Variants in LRP4 observed in about 807,000 individuals in gnomAD.
LRP4 encodes the protein low-density lipoprotein receptor-related protein 4.
Under a neutral mutation model 220.3 loss-of-function variants are expected in LRP4, and 95 were observed. That is an observed-to-expected ratio of 0.43 (90% CI 0.37 to 0.51). LRP4 has a LOEUF of 0.51. Among genes scored for constraint, LRP4 ranks in the 20% least tolerant of loss-of-function variants. The pLI, the probability that LRP4 is intolerant of heterozygous loss-of-function variation, is 0.00. For missense variants in LRP4, 1,925 were observed against 2,567.0 expected, an observed-to-expected ratio of 0.75 and a Z score of 5.40; for synonymous variants, 903 against 954.6, an observed-to-expected ratio of 0.95 and a Z score of 1.00.
intron 7 of LRP4, among the ~76,000 whole-genome samples, chr11:46,898,348 G>T (rs553002907): frequency 2.6e-5 from 4 of 152,286 alleles, no homozygotes; most frequent in Admixed American, 1.3e-4. Flanking sequence ...ACCACACCCA[G>T]CTAAGTTTTG....
At chr11:46,895,611 G>A (rs1941510866) in intron 10 of LRP4, among the ~76,000 whole-genome samples, 1 of 152,122 alleles carries the variant, frequency 6.6e-6, no homozygotes, top group African/African-American at 2.4e-5. Context: ...TAAAAAAGAA[G>A]AAATGGTTAA....
intron 1 of LRP4, among the ~76,000 whole-genome samples, chr11:46,905,609 G>A (rs2134875328): frequency 6.6e-6 from 1 of 152,240 alleles, no homozygotes. Context: ...CCAGCACTTT[G>A]GGAGGCCCAG....
chr11:46,892,797 T>C (rs1282190401), intron 13 of LRP4, among the ~76,000 whole-genome samples, 176 bp downstream of exon 13: 2 of 152,212 alleles, frequency 1.3e-5, no homozygotes, highest in African/African-American at 4.8e-5. Flanking sequence ...CTCGAATTAC[T>C]GACCTCAGGT....
At chr11:46,883,341 T>C (rs1238602856) in intron 19 of LRP4, among the ~76,000 whole-genome samples, 2 of 152,136 alleles carry the variant, frequency 1.3e-5, no homozygotes, top group Admixed American at 1.3e-4. Flanking sequence ...AGGTTGTGGG[T>C]TTACCCGAAT....
At chr11:46,885,953 G>C in intron 18 of LRP4, 138 bp downstream of exon 18, 1 of 778,172 alleles carries the variant, frequency 1.3e-6, no homozygotes, top group Non-Finnish European at 2.3e-6. Flanking sequence ...GCAGCCCTCC[G>C]GCTTCTGACC....
chr11:46,905,654 C>T (rs1394355193), intron 1 of LRP4, among the ~76,000 whole-genome samples: 2 of 152,048 alleles, frequency 1.3e-5, no homozygotes, highest in Non-Finnish European at 1.5e-5. Flanking sequence ...AGTTCAAGAC[C>T]AGCATGGCCA....
chr11:46,898,603 C>A lies in LRP4; in HGVS notation c.751G>T (p.Asp251Tyr). The A allele has an allele frequency of 6.2e-7, 1 of 1,614,184 alleles. No homozygotes were observed. The change falls in exon 7 of 38, where the codon GAT becomes TAT. Residue 251 changes from aspartate to tyrosine, a missense_variant. Around this residue, in one of 3 missense-constraint regions of LRP4, gnomAD observed 412 missense variants for 505.4 expected, o/e 0.82. Coordinates refer to ENST00000378623, the MANE Select transcript of LRP4 (RefSeq NM_002334.4). ...GLCINAGWRC[D>Y]GDADCDDQSD... is the part of the protein sequence containing the mutation. ...TGGTCATCACAGTCCGCGTCACCAT[C>A]GCAGCGCCAGCCTGCATTGATGCAC... is the stretch of plus-strand genomic sequence containing the variant.
intron 1 of LRP4, among the ~76,000 whole-genome samples, chr11:46,903,493 C>A (rs555830565): frequency 4.7e-5 from 7 of 149,994 alleles, no homozygotes; most frequent in Non-Finnish European, 8.9e-5. Context: ...GACCTTGTCT[C>A]AAAAAAGAAA....
At chr11:46,898,476 G>C (rs747391707) in intron 7 of LRP4, 82 bp downstream of exon 7, 11 of 1,593,446 alleles carry the variant, frequency 6.9e-6, no homozygotes, top group Non-Finnish European at 9.4e-6. Flanking sequence ...ATGAGCCACC[G>C]CGCCCAGCCG....
intron 34 of LRP4, among the ~76,000 whole-genome samples, chr11:46,867,525 G>C (rs1371038116): frequency 6.6e-6 from 1 of 152,162 alleles, no homozygotes; most frequent in African/African-American, 2.4e-5. Context: ...GTAATGGCGC[G>C]ATCTCGGCTC....
Position 46,879,140 on chromosome 11 carries a change from C to T in LRP4, c.2990G>A (p.Arg997His), listed in dbSNP as rs776547887. 14 of 1,614,206 alleles carry T rather than the reference C, an allele frequency of 8.7e-6. No individual in the cohort carries two copies. Among genetic ancestry groups the T allele is most frequent in the East Asian group, 6.7e-5 (3 of 44,888 alleles). ...ENLMDIHVFHRRRPPVSTPCA... is the reference protein window; with the variant it reads ...ENLMDIHVFHHRRPPVSTPCA... The stretch of plus-strand genomic sequence containing the variant: ...GGGCTGCTCACCTGGGGGCCGGCGG[C>T]GGTGGAAGACATGGATGTCCATTAG... The change falls in exon 21 of 38, where the codon CGC (arginine) becomes CAC (histidine). Residue 997 changes from arginine (R) to histidine (H), a missense_variant. By Grantham distance (29) the Arg-to-His change is conservative. Transcript: ENST00000378623.
intron 31 of LRP4, among the ~76,000 whole-genome samples, chr11:46,871,070 C>G (rs1460218888): frequency 1.3e-5 from 2 of 152,196 alleles, no homozygotes; most frequent in Non-Finnish European, 2.9e-5. Flanking sequence ...TACAAACTGG[C>G]TAGATGCCTC....
At chr11:46,863,598 A>G (rs180675461) in intron 36 of LRP4, among the ~76,000 whole-genome samples, 2 of 149,468 alleles carry the variant, frequency 1.3e-5, no homozygotes, top group Non-Finnish European at 3.0e-5. Flanking sequence ...AAAAAAAAAA[A>G]AAAAAAAAAA....
chr11:46,900,556 C>T (rs910450229), intron 2 of LRP4, among the ~76,000 whole-genome samples, 178 bp from the exon 3 acceptor site: 1 of 152,194 alleles, frequency 6.6e-6, no homozygotes, highest in African/African-American at 2.4e-5. Flanking sequence ...ACTGCAACCT[C>T]TGCCTCCTGG....
intron 31 of LRP4, among the ~76,000 whole-genome samples, chr11:46,870,146 G>A (rs1042492653): frequency 4.6e-5 from 7 of 151,724 alleles, no homozygotes; most frequent in East Asian, 1.9e-4. Flanking sequence ...GCACATGCCT[G>A]TAATCCCACC....
Position 46,859,143 on chromosome 11 carries a change from C to T in LRP4, c.5558G>A (p.Ser1853Asn), listed in dbSNP as rs139535571. ...CTCTGTGTCATCCAGGGAGCCAGAGCTGGCCTGGATGGACACCGTGTCTGT... is the reference window on the plus strand; with the variant it reads ...CTCTGTGTCATCCAGGGAGCCAGAGTTGGCCTGGATGGACACCGTGTCTGT... ...MKTDTVSIQA[S>N]SGSLDDTETE... Residue 1853 changes from serine to asparagine, a missense_variant, in exon 38 of 38, where the codon AGC (serine) becomes AAC (asparagine). Around this residue, in one of 3 missense-constraint regions of LRP4, gnomAD observed 1,244 missense variants for 1,624.9 expected, o/e 0.77. Transcript: ENST00000378623. 107 of 1,614,198 alleles carry T rather than the reference C, an allele frequency of 6.6e-5. No individual in the cohort carries two copies. In the African/African-American group the frequency reaches 1.1e-3, roughly 17 times the overall value.
intron 23 of LRP4, 38 bp downstream of exon 23, chr11:46,877,161 G>C (rs756308941): frequency 6.2e-7 from 1 of 1,611,170 alleles, no homozygotes; most frequent in South Asian, 1.1e-5. Context: ...TGAAGGGCAG[G>C]GACAGAAGGC....
intron 22 of LRP4, among the ~76,000 whole-genome samples, chr11:46,877,986 CA>C (rs1565784938): frequency 6.6e-6 from 1 of 152,086 alleles, no homozygotes; most frequent in African/African-American, 2.4e-5. Context: ...AAAGGGACCC[CA>C]GGGGGCTTTA....
At position 46,918,060 on chromosome 11, in the gene LRP4, A is replaced by G. The variant is rs1274068962; in HGVS notation, c.52+268T>C. ...AAGAGCAGCGAGGGAGGGCGAGCGA[A>G]CGAACGCCCCGGACCTTACCCGCGC... On this transcript the variant is annotated intron_variant, in intron 1 of 37. Transcript: ENST00000378623. This position sits in a 1 kb window ranked among gnomAD's most constrained non-coding sequence, Gnocchi z 6.0. Among the ~76,000 whole-genome samples the G allele has an allele frequency of 6.6e-6, 1 of 152,068 alleles. No individual in the cohort carries two copies. Among genetic ancestry groups the G allele is most frequent in the African/African-American group, 2.4e-5 (1 of 41,424 alleles).
Sources: gnomAD v4.1 joint callset for allele counts (sites outside exome capture counted in the v4.1 genomes callset) on GRCh38, gnomAD v4.1.1 for gene constraint, gnomAD v4.1.1 regional missense constraint, Gnocchi (gnomAD v3.1) non-coding constraint, MANE v1.5 for transcripts, NCBI Gene and HGNC (gene_info 2026-07-23, HGNC 2026-07-21) for gene names.